Variants in DNAH5 observed in about 807,000 individuals in gnomAD.
DNAH5 encodes axonemal beta dynein heavy chain 5.
DNAH5 carries 372 observed loss-of-function variants against 518.2 expected under a neutral mutation model. The observed-to-expected ratio is 0.72, with a 90% CI of 0.66 to 0.78. The LOEUF (loss-of-function observed/expected upper bound fraction) is 0.78, where lower values mean the gene tolerates loss of function less well. Among genes scored for constraint, DNAH5 ranks in the 30% least tolerant of loss-of-function variants. The pLI is 0.00. For missense variants in DNAH5, 5,523 were observed against 5,687.0 expected (o/e 0.97, Z 0.93); for synonymous variants, 2,039 against 2,025.9 (o/e 1.01, Z -0.17).
At chr5:13,735,104 C>T (rs765217904) in intron 68 of DNAH5, 27 bp downstream of exon 68, 33 of 1,608,066 alleles carry the variant, frequency 2.1e-5, no homozygotes, top group Admixed American at 1.2e-4. Context: ...TGCACCTGTG[C>T]GCTATAGTCT....
intron 1 of DNAH5, among the ~76,000 whole-genome samples, chr5:13,990,683 C>T (rs1386079525): frequency 2.6e-5 from 4 of 152,078 alleles, no homozygotes; most frequent in Non-Finnish European, 5.9e-5. Context: ...GCCTGGCCAA[C>T]ATGGGGAAAC....
intron 76 of DNAH5, among the ~76,000 whole-genome samples, chr5:13,703,069 G>C (rs1158807916): frequency 6.6e-6 from 1 of 152,036 alleles, no homozygotes; most frequent in Non-Finnish European, 1.5e-5. Context: ...TTAGTGCCAT[G>C]ATCAGAAAAC....
chr5:13,716,409 TAGACAGTGTAATTA>T, intron 74 of DNAH5, 64 bp downstream of exon 74: 1 of 974,816 alleles, frequency 1.0e-6, no homozygotes, highest in South Asian at 1.3e-5. Context: ...AAAAGCAATA[TAGACAGTGTAATTA>T]ATACCCAAAA....
chr5:13,872,322 C>A (rs148223783), intron 22 of DNAH5, among the ~76,000 whole-genome samples: 1 of 152,214 alleles, frequency 6.6e-6, no homozygotes, highest in Non-Finnish European at 1.5e-5. Flanking sequence ...GAGAGATTGC[C>A]TGGAATCACA....
chr5:13,754,074 A>G, intron 62 of DNAH5, 129 bp downstream of exon 62: 2 of 1,069,914 alleles, frequency 1.9e-6, no homozygotes, highest in South Asian at 1.3e-5. Flanking sequence ...CATGCGCACA[A>G]TGTGCGGGTT....
chr5:13,815,679 A>C (rs1394763381), intron 42 of DNAH5, among the ~76,000 whole-genome samples: 1 of 152,174 alleles, frequency 6.6e-6, no homozygotes, highest in Admixed American at 6.5e-5. Context: ...TTGAACCTGA[A>C]GGGCAAAAAG....
chr5:13,760,871 C>T (rs1333690106), intron 60 of DNAH5, among the ~76,000 whole-genome samples: 2 of 152,178 alleles, frequency 1.3e-5, no homozygotes, highest in African/African-American at 4.8e-5. Flanking sequence ...ACAGAACCAC[C>T]TGGTGACAAT....
chr5:13,859,466 T>G lies in DNAH5; in HGVS notation c.4936A>C (p.Lys1646Gln), dbSNP rs775506164. Residue 1646 changes from lysine (K) to glutamine (Q), a missense_variant, in exon 30 of 79, where the codon AAG becomes CAG. Physicochemically the swap from Lys to Gln is moderately conservative, Grantham distance 53 (BLOSUM62 1). Transcript: ENST00000265104. ...GATTACAAAACCTTGGGCAGCTGCT[T>G]GGCAATGTCTCCTCCCACAAAGACA... ...EAVFVGGDIA[K>Q]QLPKEAKRFS... 5.0e-6 allele frequency: 8 copies of G among 1,613,922 alleles called. No homozygotes were observed. The Admixed American group carries it at 1.3e-4, about 27-fold the overall frequency.
intron 1 of DNAH5, among the ~76,000 whole-genome samples, chr5:13,999,626 A>C (rs144973211): frequency 1.3e-5 from 2 of 152,336 alleles, no homozygotes; most frequent in African/African-American, 4.8e-5. Context: ...CATCTCAGCT[A>C]TTGTAAATAC....
chr5:13,751,364 G>A (rs1357871357), intron 64 of DNAH5, 104 bp from the exon 65 acceptor site: 1 of 1,146,162 alleles, frequency 8.7e-7, no homozygotes, highest in East Asian at 2.6e-5. Flanking sequence ...CATAATTGGA[G>A]ATCATTTGTA....
At chr5:13,749,713 C>G (rs1335151589) in intron 65 of DNAH5, among the ~76,000 whole-genome samples, 1 of 152,144 alleles carries the variant, frequency 6.6e-6, no homozygotes, top group African/African-American at 2.4e-5. Context: ...GTCTCAAATA[C>G]CAGTGACAGA....
intron 15 of DNAH5, chr5:13,898,452 G>T: frequency 2.5e-6 from 1 of 398,144 alleles, no homozygotes; most frequent in East Asian, 3.6e-5. Flanking sequence ...ATGCTGACTG[G>T]TATTTTATGA....
rs192938637 is a variant in DNAH5 at position 13,813,315 on chromosome 5, T to C, written c.7230+1290A>G. 3.3e-5 allele frequency among the ~76,000 whole-genome samples: 5 copies of C among 152,344 alleles called. No homozygotes were observed. In the East Asian group the frequency reaches 9.6e-4, roughly 29 times the overall value. Reference sequence around the variant, plus strand: ...GCATTAGCTAGTACTCCTTAGCTAGTTGTATAAAAGTATTTTTCAAAAACC... The same window carrying C: ...GCATTAGCTAGTACTCCTTAGCTAGCTGTATAAAAGTATTTTTCAAAAACC... On this transcript the variant is annotated intron_variant, in intron 43 of 78. Transcript: ENST00000265104.
At chr5:13,812,846 C>A (rs2127033675) in intron 43 of DNAH5, among the ~76,000 whole-genome samples, 1 of 152,286 alleles carries the variant, frequency 6.6e-6, no homozygotes. Flanking sequence ...TCATTCTTCA[C>A]CTCAGTATTC....
At chr5:13,835,570 G>A (rs1331167123) in intron 35 of DNAH5, among the ~76,000 whole-genome samples, 2 of 152,014 alleles carry the variant, frequency 1.3e-5, no homozygotes, top group East Asian at 1.9e-4. Context: ...ACATCATTGC[G>A]ATCTGCATTT....
intron 65 of DNAH5, among the ~76,000 whole-genome samples, chr5:13,744,510 A>G (rs1349235103): frequency 5.3e-5 from 8 of 152,080 alleles, no homozygotes; most frequent in African/African-American, 1.9e-4. Context: ...ACATACAGAA[A>G]TGATCAATGT....
At chr5:13,901,179 T>G in intron 14 of DNAH5, 73 bp downstream of exon 14, 1 of 1,516,310 alleles carries the variant, frequency 6.6e-7, no homozygotes, top group Non-Finnish European at 9.0e-7. Context: ...TCTAAAGAAA[T>G]AACACTGTCA....
At position 13,847,780 on chromosome 5, in the gene DNAH5, GTGTC is replaced by G. The variant is rs139421781; in HGVS notation, c.5115-2791_5115-2788del. 2.0e-5 allele frequency among the ~76,000 whole-genome samples: 3 copies of G among 151,502 alleles called. No individual in the cohort carries two copies. The South Asian group carries it at 6.3e-4, about 32-fold the overall frequency. On this transcript the variant is annotated intron_variant, in intron 31 of 78. Coordinates refer to ENST00000265104, the MANE Select transcript of DNAH5 (RefSeq NM_001369.3). ...GGGGGGATTTCGCATGTGTGTGTGTGTGTCTGTCTGTCTGTCTGTGGTGGTGGGT... is the reference window on the plus strand; with the variant it reads ...GGGGGGATTTCGCATGTGTGTGTGTGTGTCTGTCTGTCTGTGGTGGTGGGT...
intron 3 of DNAH5, among the ~76,000 whole-genome samples, chr5:13,924,482 C>G (rs186945266): frequency 7.2e-4 from 109 of 152,002 alleles, no homozygotes; most frequent in African/African-American, 2.6e-3. Context: ...TCGAGACCAG[C>G]CTGATCAACA....
Sources: gnomAD v4.1 joint callset for allele counts (sites outside exome capture counted in the v4.1 genomes callset) on GRCh38, gnomAD v4.1.1 for gene constraint, MANE v1.5 for transcripts, NCBI Gene and HGNC (gene_info 2026-07-23, HGNC 2026-07-21) for gene names.